IFT80: variants seen among roughly 807,000 people sequenced by gnomAD.
The protein encoded by IFT80 is intraflagellar transport protein 80 homolog.
Under a neutral mutation model 107.9 loss-of-function variants are expected in IFT80, and 79 were observed. The observed-to-expected ratio is 0.73, with a 90% confidence interval of 0.61 to 0.88. The LOEUF (loss-of-function observed/expected upper bound fraction) is 0.88. IFT80 is among the 40% of genes least tolerant of loss of function. The pLI is 0.00. For missense variants in IFT80, 797 were observed against 914.2 expected (o/e 0.87, Z 1.65); for synonymous variants, 299 against 300.9 (o/e 0.99, Z 0.07).
At chr3:160,350,934 T>C (rs1424862243) in intron 8 of IFT80, among the ~76,000 whole-genome samples, 2 of 152,184 alleles carry the variant, frequency 1.3e-5, no homozygotes, top group African/African-American at 2.4e-5. Flanking sequence ...AAGGCTGAAT[T>C]ACATGATTAG....
At chr3:160,321,965 A>G (rs928461243) in intron 8 of IFT80, among the ~76,000 whole-genome samples, 2 of 151,744 alleles carry the variant, frequency 1.3e-5, no homozygotes, top group African/African-American at 2.4e-5. Flanking sequence ...CTTGTTTAAG[A>G]AAGGAGATCT....
intron 19 of IFT80, among the ~76,000 whole-genome samples, chr3:160,263,224 A>G (rs1713005053): frequency 6.6e-6 from 1 of 152,022 alleles, no homozygotes; most frequent in South Asian, 2.1e-4. Context: ...TCCCACCCCC[A>G]GTCACCACAA....
chr3:160,332,608 C>T (rs182001558), intron 8 of IFT80, among the ~76,000 whole-genome samples: 14 of 152,292 alleles, frequency 9.2e-5, no homozygotes, highest in Admixed American at 2.0e-4. Context: ...GGTCAAAAGT[C>T]AGGGGCAAGA....
intron 10 of IFT80, among the ~76,000 whole-genome samples, chr3:160,305,323 A>G (rs1022588018): frequency 6.6e-6 from 1 of 152,174 alleles, no homozygotes; most frequent in Non-Finnish European, 1.5e-5. Flanking sequence ...TCTGATAATC[A>G]TTTCAGTAAG....
intron 9 of IFT80, among the ~76,000 whole-genome samples, chr3:160,315,910 TATGTATA>T (rs1717782072): frequency 6.6e-6 from 1 of 152,176 alleles, no homozygotes; most frequent in Non-Finnish European, 1.5e-5. Flanking sequence ...TTCTGAATCA[TATGTATA>T]AGAGTAGGTT....
intron 1 of IFT80, among the ~76,000 whole-genome samples, chr3:160,395,233 C>A (rs974955420): frequency 4.6e-5 from 7 of 152,192 alleles, no homozygotes; most frequent in Admixed American, 1.3e-4. Flanking sequence ...GGCTTATCTT[C>A]ATGAAGATAC....
chr3:160,358,414 T>C (rs1721257302), intron 6 of IFT80, among the ~76,000 whole-genome samples: 1 of 152,228 alleles, frequency 6.6e-6, no homozygotes, highest in African/African-American at 2.4e-5. Context: ...TCACTTTATC[T>C]TCATGTGTCT....
chr3:160,300,978 G>T lies in IFT80; in HGVS notation c.1220C>A (p.Pro407Gln). The T allele has an allele frequency of 6.2e-7, 1 of 1,608,442 alleles. No homozygotes were observed. Among genetic ancestry groups the T allele is most frequent in the Non-Finnish European group, 8.5e-7 (1 of 1,176,650 alleles). Reference sequence around the variant, plus strand: ...ATCTGTTCTCATTCCAGGAAATTTTGGAGATGAAATAAAGCGCCCTTCATA... The same window carrying T: ...ATCTGTTCTCATTCCAGGAAATTTTTGAGATGAAATAAAGCGCCCTTCATA... ...YSYEGRFISS[P>Q]KFPGMRTDIL... Residue 407 changes from proline to glutamine, a missense_variant, in exon 12 of 20, where the codon CCA becomes CAA. By Grantham distance (76) the Pro-to-Gln change is moderately conservative. Coordinates refer to ENST00000326448, the MANE Select transcript of IFT80 (RefSeq NM_020800.3).
In IFT80 at chr3:160,280,833, T is replaced by G. The variant is rs538068198; in HGVS notation, c.1517-19A>C. ...ATTGTTCCTTAATTTAAAAAGAATGTTAATGTGCTATTAGCTTTAATATGT... is the reference window on the plus strand; with the variant it reads ...ATTGTTCCTTAATTTAAAAAGAATGGTAATGTGCTATTAGCTTTAATATGT... On this transcript the variant is annotated intron_variant, in intron 14 of 19. Coordinates refer to ENST00000326448, the MANE Select transcript of IFT80 (RefSeq NM_020800.3). 3 of 1,605,980 alleles carry G rather than the reference T, an allele frequency of 1.9e-6. No individual in the cohort carries two copies. Among genetic ancestry groups the G allele is most frequent in the Non-Finnish European group, 2.6e-6 (3 of 1,174,020 alleles).
At chr3:160,386,144 T>C (rs1204419899) in intron 1 of IFT80, among the ~76,000 whole-genome samples, 1 of 152,154 alleles carries the variant, frequency 6.6e-6, no homozygotes, top group Admixed American at 6.5e-5. Flanking sequence ...TTCAGAAACA[T>C]CATGCCAAGG....
chr3:160,361,509 C>T (rs1721490229), intron 6 of IFT80, among the ~76,000 whole-genome samples: 1 of 152,168 alleles, frequency 6.6e-6, no homozygotes, highest in African/African-American at 2.4e-5. Flanking sequence ...TTGAACTCAG[C>T]TCTGCACCAA....
intron 8 of IFT80, among the ~76,000 whole-genome samples, chr3:160,334,630 T>A (rs1353370490): frequency 6.6e-6 from 1 of 152,186 alleles, no homozygotes; most frequent in Non-Finnish European, 1.5e-5. Context: ...TTAGCCAGGC[T>A]GGTCTTGAAC....
chr3:160,372,262 T>C (rs1711585544), intron 5 of IFT80, among the ~76,000 whole-genome samples: 2 of 152,352 alleles, frequency 1.3e-5, no homozygotes, highest in Admixed American at 6.5e-5. Flanking sequence ...TTCATTTTTG[T>C]GTCAAAATTT....
At chr3:160,347,322 T>C (rs1408894572) in intron 8 of IFT80, among the ~76,000 whole-genome samples, 1 of 152,182 alleles carries the variant, frequency 6.6e-6, no homozygotes, top group East Asian at 1.9e-4. Context: ...TAGTGGTTTT[T>C]TTCATTAGAT....
chr3:160,347,837 T>C (rs977330197), intron 8 of IFT80, among the ~76,000 whole-genome samples: 12 of 152,222 alleles, frequency 7.9e-5, no homozygotes, highest in Non-Finnish European at 1.6e-4. Flanking sequence ...TTTTCACTAT[T>C]AATACTGTGA....
Position 160,267,212 on chromosome 3 carries a change from GAC to G in IFT80, c.2223+1199_2223+1200del, listed in dbSNP as rs1344215024. On this transcript the variant is annotated intron_variant, in intron 19 of 19. Transcript: ENST00000326448. The stretch of plus-strand genomic sequence containing the variant: ...TCTGAAGTGCAAAAATGTAGATCAA[GAC>G]ACTACGTATTCTAAATACAATAAGT... 2.0e-5 allele frequency among the ~76,000 whole-genome samples: 3 copies of G among 152,136 alleles called. No homozygotes were observed. In the East Asian group the frequency reaches 5.8e-4, roughly 29 times the overall value.
chr3:160,367,093 T>C (rs1162737895), intron 5 of IFT80, among the ~76,000 whole-genome samples: 2 of 152,068 alleles, frequency 1.3e-5, no homozygotes, highest in Non-Finnish European at 1.5e-5. Context: ...ATCCATGTTG[T>C]AGCAAATTAT....
intron 12 of IFT80, among the ~76,000 whole-genome samples, chr3:160,288,591 C>A (rs985618540): frequency 6.6e-6 from 1 of 152,130 alleles, no homozygotes; most frequent in Non-Finnish European, 1.5e-5. Flanking sequence ...AACTGTGCAT[C>A]TGACAAAAGT....
chr3:160,352,054 C>A (rs538487627), intron 8 of IFT80, among the ~76,000 whole-genome samples: 1 of 150,292 alleles, frequency 6.7e-6, no homozygotes, highest in South Asian at 2.1e-4. Context: ...CTCTCTCTGT[C>A]ACCCAGGCTG....
Sources: gnomAD v4.1 joint callset for allele counts (sites outside exome capture counted in the v4.1 genomes callset) on GRCh38, gnomAD v4.1.1 for gene constraint, MANE v1.5 for transcripts, NCBI Gene and HGNC (gene_info 2026-07-23, HGNC 2026-07-21) for gene names.